The following PTPRE variants were observed in gnomAD, a reference collection of about 807,000 sequenced individuals.
PTPRE encodes the protein receptor-type tyrosine-protein phosphatase epsilon.
In PTPRE, 51 loss-of-function variants were observed where a neutral mutation model predicts 102.0. The observed-to-expected ratio is 0.50, with a 90% confidence interval of 0.40 to 0.63. PTPRE has a LOEUF of 0.63. Ranked by LOEUF, PTPRE falls within the 30% of genes least tolerant of loss-of-function variation. PTPRE has a pLI of 0.00. For synonymous variants in PTPRE, 345 were observed against 348.2 expected, an observed-to-expected ratio of 0.99 and a Z score of 0.10; for missense variants, 752 against 915.1, an observed-to-expected ratio of 0.82 and a Z score of 2.30.
Position 128,039,247 on chromosome 10 carries a change from G to A in PTPRE, c.-7-1628G>A, listed in dbSNP as rs375713214. Among the ~76,000 whole-genome samples, 20 of 152,308 alleles carry A rather than the reference G, an allele frequency of 1.3e-4. No homozygotes were observed. In the South Asian group the frequency reaches 3.3e-3, roughly 25 times the overall value. On this transcript the variant is annotated intron_variant, in intron 2 of 20. Coordinates refer to ENST00000254667, the MANE Select transcript of PTPRE (RefSeq NM_006504.6). ...TAGAAGGGCCAGGGCAGCATGCAGC[G>A]GGGGTGAGGGCTTCTGTCTCCAGGG...
chr10:127,951,984 G>A (rs1849062099), intron 1 of PTPRE, among the ~76,000 whole-genome samples: 1 of 152,210 alleles, frequency 6.6e-6, no homozygotes, highest in African/African-American at 2.4e-5. Context: ...TACCTGGTGT[G>A]CAGCTATTGA....
intron 7 of PTPRE, among the ~76,000 whole-genome samples, chr10:128,059,954 A>ACAAC (rs770017866): frequency 1.0e-4 from 15 of 146,702 alleles, no homozygotes; most frequent in African/African-American, 2.8e-4. Context: ...ACACACACAC[A>ACAAC]ACACACACAC....
At chr10:127,974,556 T>A (rs1851002078) in intron 1 of PTPRE, among the ~76,000 whole-genome samples, 1 of 152,218 alleles carries the variant, frequency 6.6e-6, no homozygotes, top group South Asian at 2.1e-4. Context: ...ACGATCTGTT[T>A]ATAAGCCTGT....
At chr10:128,001,778 C>G (rs1853927406) in intron 2 of PTPRE, among the ~76,000 whole-genome samples, 1 of 152,170 alleles carries the variant, frequency 6.6e-6, no homozygotes, top group South Asian at 2.1e-4. Context: ...CTGCGGAAAC[C>G]AGGATGCTGT....
In PTPRE at chr10:127,958,962, T is replaced by A. The variant is rs554100236; in HGVS notation, c.-30-23312T>A. 9.3e-5 allele frequency among the ~76,000 whole-genome samples: 14 copies of A among 150,076 alleles called. No individual in the cohort carries two copies. The South Asian group carries it at 3.0e-3, about 32-fold the overall frequency. On this transcript the variant is annotated intron_variant, in intron 1 of 20. Coordinates refer to ENST00000254667, the MANE Select transcript of PTPRE (RefSeq NM_006504.6). ...CCCAGGCTGGAGTGCAATGGCACGA[T>A]CTCAGCTCACTACAACCTCCTCCTC...
chr10:127,986,677 A>G (rs887322110), intron 2 of PTPRE, among the ~76,000 whole-genome samples: 4 of 151,974 alleles, frequency 2.6e-5, no homozygotes, highest in African/African-American at 9.7e-5. Flanking sequence ...GTGTTTCTTG[A>G]TGTTGATTTG....
intron 2 of PTPRE, among the ~76,000 whole-genome samples, chr10:128,013,538 A>T (rs1845181294): frequency 6.6e-6 from 1 of 152,138 alleles, no homozygotes; most frequent in Non-Finnish European, 1.5e-5. Context: ...ATGTGCTATG[A>T]TCTGAATGTC....
chr10:128,019,018 C>T (rs1395123717), intron 2 of PTPRE, among the ~76,000 whole-genome samples: 2 of 152,204 alleles, frequency 1.3e-5, no homozygotes, highest in Non-Finnish European at 2.9e-5. Flanking sequence ...GGTCAGGAGC[C>T]GAGGGTGCAT....
Position 128,082,931 on chromosome 10 carries a change from T to A in PTPRE, c.*25T>A. 6.6e-7 allele frequency: 1 copy of A among 1,515,198 alleles called. No homozygotes were observed. Among genetic ancestry groups the A allele is most frequent in the Non-Finnish European group, 8.8e-7 (1 of 1,130,876 alleles). The allele number at this position is 1,515,198 out of a possible 1,614,324, so 93.9% of individuals were successfully genotyped here. A position where few individuals can be genotyped will look rare whatever the true frequency, so the allele number is the denominator to read the frequency against. On this transcript the variant is annotated 3_prime_UTR_variant, in exon 21 of 21. Coordinates refer to ENST00000254667, the MANE Select transcript of PTPRE (RefSeq NM_006504.6). ...AAGATTCCTGCCTTAAAATATTTTTTAATTTAATGGTCAGTATATTTTGTA... is the reference window on the plus strand; with the variant it reads ...AAGATTCCTGCCTTAAAATATTTTTAAATTTAATGGTCAGTATATTTTGTA...
intron 2 of PTPRE, among the ~76,000 whole-genome samples, chr10:128,022,789 G>A (rs1038682650): frequency 1.3e-5 from 2 of 152,254 alleles, no homozygotes; most frequent in Non-Finnish European, 2.9e-5. Context: ...GGCGCTGGAG[G>A]CAGGTGTGAT....
intron 1 of PTPRE, among the ~76,000 whole-genome samples, chr10:127,923,587 A>G (rs941104062): frequency 4.0e-5 from 6 of 151,844 alleles, no homozygotes; most frequent in African/African-American, 1.5e-4. Context: ...TATTTTTAGT[A>G]AGGACTGGGT....
In PTPRE at chr10:128,083,049, C is replaced by A; in HGVS notation, c.*143C>A. 2 of 707,200 alleles carry A rather than the reference C, an allele frequency of 2.8e-6. No individual in the cohort carries two copies. Among genetic ancestry groups the A allele is most frequent in the Non-Finnish European group, 4.1e-6 (2 of 487,782 alleles). The allele number at this position is 707,200 out of a possible 1,614,324, so 43.8% of individuals were successfully genotyped here. A position where few individuals can be genotyped will look rare whatever the true frequency, so the allele number is the denominator to read the frequency against. ...TATGCCTTAAAGGCCACCTGCTATA[C>A]AGTTGTTAAATCTTAAATATGCTTT... On this transcript the variant is annotated 3_prime_UTR_variant, in exon 21 of 21. Transcript: ENST00000254667.
intron 1 of PTPRE, among the ~76,000 whole-genome samples, chr10:127,967,071 T>C (rs926676519): frequency 6.6e-6 from 1 of 152,212 alleles, no homozygotes; most frequent in Non-Finnish European, 1.5e-5. Context: ...CTCTCTGCCA[T>C]CCGGTAAGTC....
chr10:128,022,793 G>A (rs984776835), intron 2 of PTPRE, among the ~76,000 whole-genome samples: 1 of 152,254 alleles, frequency 6.6e-6, no homozygotes, highest in Admixed American at 6.5e-5. Flanking sequence ...CTGGAGGCAG[G>A]TGTGATGCCA....
chr10:128,068,381 TG>T, intron 12 of PTPRE, 95 bp downstream of exon 12: 1 of 1,425,048 alleles, frequency 7.0e-7, no homozygotes, highest in Non-Finnish European at 9.5e-7. Context: ...AATATCAGGG[TG>T]GGCAGAGGTT....
chr10:128,026,728 T>A (rs1846316352), intron 2 of PTPRE, among the ~76,000 whole-genome samples: 1 of 152,236 alleles, frequency 6.6e-6, no homozygotes, highest in South Asian at 2.1e-4. Context: ...CCAACTGAGA[T>A]AAAAAGCAAG....
chr10:128,082,195 C>CTCT (rs1554951767), intron 20 of PTPRE, among the ~76,000 whole-genome samples: 2 of 89,034 alleles, frequency 2.2e-5, no homozygotes, highest in Non-Finnish European at 4.3e-5. Flanking sequence ...TTTTCTCTTT[C>CTCT]TTTTTTTTTT....
At chr10:127,977,120 A>G (rs949506988) in intron 1 of PTPRE, among the ~76,000 whole-genome samples, 12 of 152,166 alleles carry the variant, frequency 7.9e-5, no homozygotes, top group African/African-American at 2.9e-4. Flanking sequence ...AGGGTGAATG[A>G]CAGTTCTTGC....
chr10:128,040,179 A>C (rs1169796742), intron 2 of PTPRE, among the ~76,000 whole-genome samples: 2 of 152,126 alleles, frequency 1.3e-5, no homozygotes, highest in African/African-American at 4.8e-5. Flanking sequence ...CTGAGAGTTT[A>C]GACATGGCCA....
Sources: allele counts gnomAD v4.1 joint callset (sites outside exome capture counted in the v4.1 genomes callset), GRCh38; gene constraint gnomAD v4.1.1; transcripts MANE v1.5; gene names NCBI Gene and HGNC (gene_info 2026-07-23, HGNC 2026-07-21).